The following TMEM117 variants were observed in gnomAD, a reference collection of about 807,000 sequenced individuals.
TMEM117 encodes the protein transmembrane protein 117.
Under a neutral mutation model 52.4 loss-of-function variants are expected in TMEM117, and 27 were observed. The ratio of observed to expected loss-of-function variants is 0.51; its 90% CI spans 0.38 to 0.71. The LOEUF (loss-of-function observed/expected upper bound fraction) is 0.71. TMEM117 is among the 30% of genes least tolerant of loss of function. The probability of loss-of-function intolerance (pLI) is 0.00; values close to 1 mark genes in which losing one functional copy is unlikely to be tolerated. For missense variants in TMEM117, 556 were observed against 630.5 expected (o/e 0.88, Z 1.26); for synonymous variants, 215 against 206.3 (o/e 1.04, Z -0.36).
chr12:44,215,925 G>T (rs2138412229), intron 5 of TMEM117, among the ~76,000 whole-genome samples: 1 of 151,622 alleles, frequency 6.6e-6, no homozygotes, highest in Middle Eastern at 3.4e-3. Flanking sequence ...AATAAAATTG[G>T]CATGTGCCAT....
chr12:43,852,904 T>C (rs1347217663), intron 2 of TMEM117, among the ~76,000 whole-genome samples: 4 of 152,240 alleles, frequency 2.6e-5, no homozygotes, highest in African/African-American at 9.6e-5. Flanking sequence ...CATAAGGAGC[T>C]GTCAGTCTCT....
At chr12:44,008,754 G>A (rs1052266010) in intron 3 of TMEM117, 2 of 421,456 alleles carry the variant, frequency 4.7e-6, no homozygotes, top group African/African-American at 4.2e-5. Context: ...GTTCTCTGGT[G>A]TTTAATAAGG....
chr12:43,955,809 A>G (rs1945296631), intron 3 of TMEM117, among the ~76,000 whole-genome samples: 1 of 152,204 alleles, frequency 6.6e-6, no homozygotes, highest in African/African-American at 2.4e-5. Context: ...ATATGGAACC[A>G]AAAAAGAGCT....
intron 4 of TMEM117, among the ~76,000 whole-genome samples, chr12:44,201,363 C>G (rs1407447280): frequency 1.3e-5 from 2 of 152,104 alleles, no homozygotes; most frequent in Non-Finnish European, 2.9e-5. Context: ...ACATAGAGGA[C>G]AGAGAAAACC....
chr12:43,974,557 T>C (rs1945642160), intron 3 of TMEM117, among the ~76,000 whole-genome samples: 1 of 152,130 alleles, frequency 6.6e-6, no homozygotes, highest in African/African-American at 2.4e-5. Context: ...GGTTAACACC[T>C]GATAGTGAGA....
chr12:43,953,833 A>G (rs1018799665), intron 3 of TMEM117, among the ~76,000 whole-genome samples: 1 of 152,198 alleles, frequency 6.6e-6, no homozygotes, highest in African/African-American at 2.4e-5. Flanking sequence ...TCTCCCCCCC[A>G]AAACAACAGA....
intron 5 of TMEM117, among the ~76,000 whole-genome samples, chr12:44,230,033 C>T (rs988882827): frequency 2.0e-5 from 3 of 152,108 alleles, no homozygotes; most frequent in Admixed American, 6.6e-5. Flanking sequence ...TATGTAAAAG[C>T]AACCTATTAT....
chr12:43,880,362 A>G (rs894611523), intron 2 of TMEM117, among the ~76,000 whole-genome samples: 1 of 152,176 alleles, frequency 6.6e-6, no homozygotes, highest in Non-Finnish European at 1.5e-5. Context: ...AACTTTTTTA[A>G]AAAAATTTCT....
At chr12:44,053,298 A>G (rs1398971979) in intron 3 of TMEM117, among the ~76,000 whole-genome samples, 4 of 152,178 alleles carry the variant, frequency 2.6e-5, no homozygotes, top group Non-Finnish European at 5.9e-5. Context: ...TAGTTACTAT[A>G]GTTACAATGA....
chr12:43,803,633 A>C, the TMEM117 span, among the ~76,000 whole-genome samples: 1 of 152,118 alleles, frequency 6.6e-6, no homozygotes, highest in East Asian at 1.9e-4. Flanking sequence ...CTAGTCACTT[A>C]GGAAGTGATG....
At chr12:44,103,172 A>G (rs1947892702) in intron 3 of TMEM117, among the ~76,000 whole-genome samples, 1 of 151,386 alleles carries the variant, frequency 6.6e-6, no homozygotes, top group Non-Finnish European at 1.5e-5. Flanking sequence ...CACTTACTTT[A>G]CATTACTTTA....
chr12:44,293,340 G>A (rs1170589242), intron 5 of TMEM117, among the ~76,000 whole-genome samples: 1 of 151,932 alleles, frequency 6.6e-6, no homozygotes, highest in Non-Finnish European at 1.5e-5. Context: ...CTTATAGGCA[G>A]CTTATAATGG....
At chr12:44,097,923 G>T (rs1252357700) in intron 3 of TMEM117, among the ~76,000 whole-genome samples, 6 of 151,786 alleles carry the variant, frequency 4.0e-5, no homozygotes, top group Admixed American at 3.9e-4. Flanking sequence ...AGTGTTGCTG[G>T]TGCTTGGAGA....
intron 3 of TMEM117, among the ~76,000 whole-genome samples, chr12:43,982,537 A>G (rs1234895360): frequency 1.3e-5 from 2 of 152,110 alleles, no homozygotes; most frequent in Admixed American, 6.5e-5. Context: ...CCTTTTCTAC[A>G]TTATGTAATT....
chr12:43,930,732 T>A (rs2137579356), intron 2 of TMEM117, among the ~76,000 whole-genome samples: 1 of 152,320 alleles, frequency 6.6e-6, no homozygotes, highest in Non-Finnish European at 1.5e-5. Flanking sequence ...TGGGAAGAAA[T>A]CAGTATAATT....
At chr12:44,309,776 TA>T (rs61352410) in intron 6 of TMEM117, among the ~76,000 whole-genome samples, 27,089 of 134,484 alleles carry the variant, frequency 0.2, 3,851 homozygotes, top group African/African-American at 0.43. Flanking sequence ...GAATGAGAAT[TA>T]AAAAAAAAAA....
intron 3 of TMEM117, among the ~76,000 whole-genome samples, chr12:44,137,362 T>C (rs572626839): frequency 6.6e-6 from 1 of 152,178 alleles, no homozygotes; most frequent in South Asian, 2.1e-4. Flanking sequence ...TGGGCAGCCA[T>C]TATAAGTGTA....
rs371823542 is a variant in TMEM117, at chr12:44,106,308, A to T, written c.411-37217A>T. 1.2e-4 allele frequency among the ~76,000 whole-genome samples: 19 copies of T among 152,206 alleles called. No individual in the cohort carries two copies. In the East Asian group the frequency reaches 3.3e-3, roughly 26 times the overall value. ...TTGTCTATTATTTATATTTAAATAT[A>T]TGAAAGCAGGCAGTTTTCAACAAGG... On this transcript the variant is annotated intron_variant, in intron 3 of 7. Coordinates refer to ENST00000266534, the MANE Select transcript of TMEM117 (RefSeq NM_032256.3).
chr12:44,004,265 C>T (rs1946160750), intron 3 of TMEM117, among the ~76,000 whole-genome samples: 1 of 152,126 alleles, frequency 6.6e-6, no homozygotes, highest in South Asian at 2.1e-4. Flanking sequence ...AAATGGAGTG[C>T]TCTTTTGCTG....
Sources: gnomAD v4.1 joint callset for allele counts (sites outside exome capture counted in the v4.1 genomes callset) on GRCh38, gnomAD v4.1.1 for gene constraint, MANE v1.5 for transcripts, NCBI Gene and HGNC (gene_info 2026-07-23, HGNC 2026-07-21) for gene names.